The following PDZD2 variants were observed in gnomAD, a reference collection of about 807,000 sequenced individuals.
PDZD2 encodes PDZ domain-containing protein 2.
PDZD2 carries 90 observed loss-of-function variants against 220.7 expected under a neutral mutation model. The observed-to-expected ratio is 0.41, with a 90% CI of 0.34 to 0.49. The LOEUF is 0.49. Ranked by LOEUF, PDZD2 falls within the 20% of genes least tolerant of loss-of-function variation. The pLI, the probability that PDZD2 is intolerant of heterozygous loss-of-function variation, is 0.28. For missense variants in PDZD2, 3,174 were observed against 3,608.5 expected (o/e 0.88, Z 3.08); for synonymous variants, 1,375 against 1,450.5 (o/e 0.95, Z 1.18).
intron 2 of PDZD2, among the ~76,000 whole-genome samples, chr5:31,895,782 C>T (rs1435857360): frequency 3.3e-5 from 5 of 152,128 alleles, no homozygotes; most frequent in South Asian, 2.1e-4. Context: ...TGTCTGCTCC[C>T]ACCCCTTCCA....
In PDZD2 at chr5:32,074,390, C is replaced by G. The variant is rs1358245485; in HGVS notation, c.3284C>G (p.Thr1095Ser). 1.9e-6 allele frequency: 3 copies of G among 1,614,082 alleles called. No homozygotes were observed. Residue 1095 changes from threonine to serine, a missense_variant, in exon 18 of 25, where the codon ACC becomes AGC. Thr to Ser is a moderately conservative substitution (Grantham distance 58). This residue lies in a region of PDZD2 where 1,861 missense variants were observed against 2,001.0 expected (regional missense o/e 0.93). Transcript: ENST00000438447. ...TTGGAATACACAGTCCGTACAGACA[C>G]CCAGAGTCCGACGAACACTGGGAGC... Reference protein sequence around the residue: ...PKLEYTVRTDTQSPTNTGSPS... With the variant: ...PKLEYTVRTDSQSPTNTGSPS...
In PDZD2 at chr5:31,850,164, GTATATATAAGTA is replaced by G. The variant is rs1364202556; in HGVS notation, c.476+50458_476+50469del. 4.3e-3 allele frequency among the ~76,000 whole-genome samples: 512 copies of G among 118,956 alleles called. 4 individuals are homozygous for G. Among genetic ancestry groups the G allele is most frequent in the African/African-American group, 0.016 (478 of 30,806 alleles). The allele number at this position is 118,956 out of a possible 152,430, so 78.0% of individuals were successfully genotyped here. On this transcript the variant is annotated intron_variant, in intron 2 of 24. Coordinates refer to ENST00000438447, the MANE Select transcript of PDZD2 (RefSeq NM_178140.4). ...TATATAAGTATATATGTGTATATATGTATATATAAGTATATATATAAGTATATATGTATATAT... is the reference window on the plus strand; with the variant it reads ...TATATAAGTATATATGTGTATATATGTATATATAAGTATATATGTATATAT...
chr5:31,784,163 T>TG (rs921460939), intron 1 of PDZD2, among the ~76,000 whole-genome samples: 1 of 152,156 alleles, frequency 6.6e-6, no homozygotes, highest in African/African-American at 2.4e-5. Flanking sequence ...CCTCACCTCC[T>TG]GCAGGCATTC....
intron 2 of PDZD2, among the ~76,000 whole-genome samples, chr5:31,879,882 C>T (rs775295352): frequency 6.7e-6 from 1 of 149,370 alleles, no homozygotes; most frequent in African/African-American, 2.5e-5. Context: ...CTCTGCTAAA[C>T]TGCTTACAGT....
At chr5:31,900,454 GGGCCTGGAACAAGGATCAGCTCCA>G (rs1561554554) in intron 2 of PDZD2, among the ~76,000 whole-genome samples, 1 of 152,064 alleles carries the variant, frequency 6.6e-6, no homozygotes, top group East Asian at 1.9e-4. Context: ...GAGGGACTTC[GGGCCTGGAACAAGGATCAGCTCCA>G]GGCTGCCCGA....
intron 1 of PDZD2, among the ~76,000 whole-genome samples, chr5:31,768,658 A>G (rs190321273): frequency 0.026 from 3,691 of 144,198 alleles, 148 homozygotes; most frequent in African/African-American, 0.089. Context: ...AAAAAAAAAA[A>G]CTGAGACACA....
At chr5:31,925,429 AC>A (rs1481489056) in intron 2 of PDZD2, among the ~76,000 whole-genome samples, 1 of 152,120 alleles carries the variant, frequency 6.6e-6, no homozygotes, top group African/African-American at 2.4e-5. Flanking sequence ...ATGAAACTGG[AC>A]CCCTACCTTT....
intron 2 of PDZD2, among the ~76,000 whole-genome samples, chr5:31,964,715 TTTTTTA>T (rs1184478314): frequency 2.6e-5 from 4 of 152,198 alleles, no homozygotes; most frequent in South Asian, 2.1e-4. Flanking sequence ...TTTTTGCCTT[TTTTTTA>T]TTTTTATTTT....
chr5:31,663,854 GGTGT>G (rs376879069), intron 1 of PDZD2, among the ~76,000 whole-genome samples: 55 of 149,816 alleles, frequency 3.7e-4, no homozygotes, highest in South Asian at 6.4e-4. Context: ...GGAAGTTTAG[GGTGT>G]GTGTGTGTGT....
At chr5:31,686,632 G>C (rs752196062) in intron 1 of PDZD2, among the ~76,000 whole-genome samples, 4 of 152,146 alleles carry the variant, frequency 2.6e-5, no homozygotes, top group Non-Finnish European at 5.9e-5. Context: ...CTCCCAAAGT[G>C]CTGGGATTAC....
At chr5:31,958,926 A>G (rs1377326660) in intron 2 of PDZD2, among the ~76,000 whole-genome samples, 1 of 146,014 alleles carries the variant, frequency 6.8e-6, no homozygotes, top group Non-Finnish European at 1.5e-5. Flanking sequence ...CCCGGCCTTT[A>G]AAGCACTCGA....
chr5:31,921,244 C>T (rs1744223284), intron 2 of PDZD2, among the ~76,000 whole-genome samples: 1 of 152,148 alleles, frequency 6.6e-6, no homozygotes, highest in Non-Finnish European at 1.5e-5. Flanking sequence ...GAATTTGAAT[C>T]CCAACTCTCC....
chr5:31,910,527 A>G (rs766264477), intron 2 of PDZD2, among the ~76,000 whole-genome samples: 7 of 149,858 alleles, frequency 4.7e-5, no homozygotes, highest in Admixed American at 4.0e-4. Context: ...AGTAACTGGG[A>G]TTACAGGCAC....
intron 1 of PDZD2, among the ~76,000 whole-genome samples, chr5:31,759,875 G>A (rs1751528671): frequency 6.6e-6 from 1 of 152,136 alleles, no homozygotes; most frequent in Non-Finnish European, 1.5e-5. Context: ...TGTTTGGTAA[G>A]AGCAAAGACT....
intron 1 of PDZD2, among the ~76,000 whole-genome samples, chr5:31,771,939 C>CCCTT (rs1384149964): frequency 6.6e-6 from 1 of 152,074 alleles, no homozygotes; most frequent in Non-Finnish European, 1.5e-5. Flanking sequence ...GGCACTGGAA[C>CCCTT]CCTTTCTTAA....
intron 1 of PDZD2, chr5:31,657,108 C>T (rs1482837106): frequency 3.9e-5 from 6 of 152,238 alleles, no homozygotes; most frequent in Admixed American, 3.3e-4. Flanking sequence ...TCCATCTGGT[C>T]GTAGATGTAC....
rs375112971 is a variant in PDZD2, at chr5:32,064,799, C to T, written c.2451+3665C>T. On this transcript the variant is annotated intron_variant, in intron 14 of 24. Coordinates refer to ENST00000438447, the MANE Select transcript of PDZD2 (RefSeq NM_178140.4). ...CCTGGCCAACATAGCAAAACCACGT[C>T]TCTACTAAAAATACAAAAATTAGCC... Among the ~76,000 whole-genome samples the T allele has an allele frequency of 2.5e-4, 35 of 138,858 alleles. No individual in the cohort carries two copies. In the East Asian group the frequency reaches 6.4e-3, roughly 25 times the overall value. 91.1% of individuals were successfully genotyped at this position (138,858 alleles called of 152,430 possible).
At chr5:31,898,036 C>T (rs1741732203) in intron 2 of PDZD2, among the ~76,000 whole-genome samples, 1 of 152,162 alleles carries the variant, frequency 6.6e-6, no homozygotes. Flanking sequence ...CCACCGCACC[C>T]AGCCAGTTTT....
chr5:31,649,875 T>G (rs902476522), intron 1 of PDZD2, among the ~76,000 whole-genome samples: 2 of 132,610 alleles, frequency 1.5e-5, no homozygotes, highest in African/African-American at 5.9e-5. Flanking sequence ...GAGGCGGAGG[T>G]TGCAGTAAGC....
Sources: gnomAD v4.1 joint callset for allele counts (sites outside exome capture counted in the v4.1 genomes callset) on GRCh38, gnomAD v4.1.1 for gene constraint, gnomAD v4.1.1 regional missense constraint, MANE v1.5 for transcripts, NCBI Gene and HGNC (gene_info 2026-07-23, HGNC 2026-07-21) for gene names.